Variants in CSNK1G1 observed in about 807,000 individuals in gnomAD.
CSNK1G1 encodes casein kinase 1 gamma 1.
A neutral mutation model predicts 59.6 loss-of-function variants in CSNK1G1; 22 were observed. That is an observed-to-expected ratio of 0.37 (90% CI 0.26 to 0.53). The LOEUF (loss-of-function observed/expected upper bound fraction) is 0.53. CSNK1G1 is among the 20% of genes least tolerant of loss of function. CSNK1G1 has a pLI of 0.89. For synonymous variants in CSNK1G1, 179 were observed against 177.1 expected (o/e 1.01, Z -0.08); for missense variants, 384 against 519.5 (o/e 0.74, Z 2.54).
intron 1 of CSNK1G1, among the ~76,000 whole-genome samples, chr15:64,314,792 T>C (rs565381220): frequency 6.6e-6 from 1 of 152,344 alleles, no homozygotes; most frequent in East Asian, 1.9e-4. Flanking sequence ...TCCATCCAAG[T>C]TGCCACAAAT....
intron 1 of CSNK1G1, among the ~76,000 whole-genome samples, chr15:64,324,430 T>A (rs1200188901): frequency 6.6e-6 from 1 of 152,252 alleles, no homozygotes; most frequent in East Asian, 1.9e-4. Flanking sequence ...GCAGCCTTGC[T>A]GAGTCTTCCA....
chr15:64,277,770 T>C, intron 2 of CSNK1G1, among the ~76,000 whole-genome samples: 2 of 130,638 alleles, frequency 1.5e-5, no homozygotes, highest in Admixed American at 8.6e-5. Context: ...GCAATATTGA[T>C]ATATTTAATA....
intron 4 of CSNK1G1, among the ~76,000 whole-genome samples, chr15:64,234,214 C>T (rs2082585742): frequency 6.6e-6 from 1 of 152,130 alleles, no homozygotes; most frequent in South Asian, 2.1e-4. Context: ...ACCCCCCTCA[C>T]CCTTTACCCA....
chr15:64,191,130 C>A (rs760456308), intron 10 of CSNK1G1, among the ~76,000 whole-genome samples: 1 of 152,104 alleles, frequency 6.6e-6, no homozygotes, highest in Non-Finnish European at 1.5e-5. Context: ...GGCACGATCT[C>A]GGCTCACTGC....
At chr15:64,234,355 C>T (rs2082587972) in intron 4 of CSNK1G1, among the ~76,000 whole-genome samples, 1 of 152,258 alleles carries the variant, frequency 6.6e-6, no homozygotes, top group East Asian at 1.9e-4. Context: ...AAATAGGCCA[C>T]TCACACAGGA....
intron 4 of CSNK1G1, among the ~76,000 whole-genome samples, chr15:64,244,767 G>A (rs554925728): frequency 6.6e-5 from 10 of 152,134 alleles, no homozygotes; most frequent in East Asian, 1.9e-4. Flanking sequence ...GTAGTGAGCC[G>A]TGATCACATC....
chr15:64,219,942 T>A (rs2082364797), intron 4 of CSNK1G1, among the ~76,000 whole-genome samples: 1 of 151,846 alleles, frequency 6.6e-6, no homozygotes. Flanking sequence ...CCTAGCTAAT[T>A]TTTAAATTTT....
chr15:64,353,661 A>G (rs1020114394), intron 1 of CSNK1G1, among the ~76,000 whole-genome samples: 53 of 151,422 alleles, frequency 3.5e-4, no homozygotes, highest in South Asian at 2.9e-3. Context: ...AAAAAAAAAA[A>G]AAAGAAAGAA....
At chr15:64,195,097 A>G (rs1023667949) in intron 10 of CSNK1G1, 5 of 152,278 alleles carry the variant, frequency 3.3e-5, no homozygotes, top group African/African-American at 1.2e-4. Flanking sequence ...AAAATTACAA[A>G]GAATAAATTC....
chr15:64,222,697 G>C (rs1212188895), intron 4 of CSNK1G1, among the ~76,000 whole-genome samples: 1 of 149,362 alleles, frequency 6.7e-6, no homozygotes, highest in Non-Finnish European at 1.5e-5. Flanking sequence ...AACCCAAAAT[G>C]AGATGCAGTG....
intron 10 of CSNK1G1, among the ~76,000 whole-genome samples, chr15:64,201,207 G>A (rs1374472853): frequency 6.7e-6 from 1 of 149,602 alleles, no homozygotes; most frequent in Non-Finnish European, 1.5e-5. Flanking sequence ...GGGAGACAGA[G>A]GTTGAGGTAA....
intron 6 of CSNK1G1, among the ~76,000 whole-genome samples, chr15:64,211,451 T>C (rs942794431): frequency 6.6e-6 from 1 of 152,138 alleles, no homozygotes; most frequent in African/African-American, 2.4e-5. Flanking sequence ...AGATTTGACC[T>C]GAAAAACTCT....
At chr15:64,241,178 A>C (rs2082688721) in intron 4 of CSNK1G1, among the ~76,000 whole-genome samples, 1 of 152,200 alleles carries the variant, frequency 6.6e-6, no homozygotes, top group Non-Finnish European at 1.5e-5. Flanking sequence ...GGATGGAAAA[A>C]GATATTCTAC....
At chr15:64,344,216 A>G (rs568511691) in intron 1 of CSNK1G1, among the ~76,000 whole-genome samples, 1 of 152,338 alleles carries the variant, frequency 6.6e-6, no homozygotes, top group Non-Finnish European at 1.5e-5. Flanking sequence ...ATATTTAAAG[A>G]TGCTGAAACT....
intron 10 of CSNK1G1, among the ~76,000 whole-genome samples, chr15:64,191,195 G>A (rs552230067): frequency 6.6e-6 from 1 of 152,250 alleles, no homozygotes; most frequent in South Asian, 2.1e-4. Context: ...CCGAGTAGCT[G>A]GGACTACGGA....
intron 9 of CSNK1G1, among the ~76,000 whole-genome samples, chr15:64,204,174 C>G (rs75128181): frequency 1.2e-3 from 184 of 151,900 alleles, no homozygotes; most frequent in African/African-American, 4.3e-3. Flanking sequence ...GAAACTTCTC[C>G]TAAAAACTGG....
intron 1 of CSNK1G1, among the ~76,000 whole-genome samples, chr15:64,343,208 A>ACACACACACACACACACACACACACACAC (rs5741730): frequency 9.1e-6 from 1 of 109,956 alleles, no homozygotes; most frequent in African/African-American, 3.4e-5. Context: ...GCAAAACTCC[A>ACACACACACACACACACACACACACACAC]ACACACACAC....
intron 4 of CSNK1G1, among the ~76,000 whole-genome samples, chr15:64,232,159 A>G (rs539472548): frequency 6.6e-6 from 1 of 152,358 alleles, no homozygotes; most frequent in South Asian, 2.1e-4. Context: ...CTGAAAGCAC[A>G]AGAATGCAGA....
rs975197851 is a variant in CSNK1G1, at chr15:64,228,985, C to T, written c.293-12272G>A. ...AGTAAGCTGAGATCATACCGCTGTA[C>T]ACCAGCCTGGGCGACAGAGTGAGAC... On this transcript the variant is annotated intron_variant, in intron 4 of 11. Transcript: ENST00000303052. Among the ~76,000 whole-genome samples, 15 of 135,586 alleles carry T rather than the reference C, an allele frequency of 1.1e-4. 1 individual carries two copies. The Admixed American group carries it at 1.1e-3, about 10-fold the overall frequency. The allele number at this position is 135,586 out of a possible 152,430, so 88.9% of individuals were successfully genotyped here.
Sources: allele counts gnomAD v4.1 joint callset (sites outside exome capture counted in the v4.1 genomes callset), GRCh38; gene constraint gnomAD v4.1.1; transcripts MANE v1.5; gene names NCBI Gene and HGNC (gene_info 2026-07-23, HGNC 2026-07-21).